Variants in PDGFRL observed in about 807,000 individuals in gnomAD.
PDGFRL encodes the protein platelet-derived growth factor receptor-like protein.
PDGFRL carries 46 observed loss-of-function variants against 37.2 expected under a neutral mutation model. The ratio of observed to expected loss-of-function variants is 1.24; its 90% CI spans 0.98 to 1.58. The LOEUF is 1.58. Ranked by LOEUF, PDGFRL falls within the 40% of genes most tolerant of loss-of-function variation. The pLI is 0.00. For synonymous variants in PDGFRL, 251 were observed against 184.3 expected (o/e 1.36, Z -2.93); for missense variants, 692 against 467.6 (o/e 1.48, Z -4.43).
At chr8:17,634,016 G>T in intron 4 of PDGFRL, 58 bp from the exon 5 acceptor site, 1 of 1,552,626 alleles carries the variant, frequency 6.4e-7, no homozygotes, top group South Asian at 1.1e-5. Context: ...GCATCTGTAG[G>T]TTTGTTTTCA....
intron 5 of PDGFRL, among the ~76,000 whole-genome samples, chr8:17,638,084 A>G (rs536020762): frequency 6.6e-6 from 1 of 151,810 alleles, no homozygotes. Context: ...TTGTTCTGCT[A>G]TGTTTGGGTT....
At chr8:17,578,277 G>T (rs969231600) in intron 1 of PDGFRL, among the ~76,000 whole-genome samples, 2 of 152,116 alleles carry the variant, frequency 1.3e-5, no homozygotes, top group Non-Finnish European at 2.9e-5. Flanking sequence ...CTTCATGCTG[G>T]AGCCAGCTCG....
intron 1 of PDGFRL, among the ~76,000 whole-genome samples, chr8:17,587,342 G>C (rs533328926): frequency 2.0e-5 from 3 of 152,168 alleles, no homozygotes; most frequent in Non-Finnish European, 4.4e-5. Context: ...TAGCTTAGAA[G>C]GATCAGACAA....
chr8:17,613,596 G>A (rs988111204), intron 2 of PDGFRL, among the ~76,000 whole-genome samples: 2 of 152,138 alleles, frequency 1.3e-5, no homozygotes, highest in Admixed American at 6.5e-5. Context: ...ATCCAGAGAA[G>A]CCCAGGCGCA....
At chr8:17,634,290 G>C (rs527603323) in intron 5 of PDGFRL, 77 bp downstream of exon 5, 4 of 1,209,608 alleles carry the variant, frequency 3.3e-6, no homozygotes, top group Non-Finnish European at 4.7e-6. Flanking sequence ...TCACAGCTTC[G>C]TCCCCACCCA....
At chr8:17,594,802 A>G (rs933718726) in intron 2 of PDGFRL, among the ~76,000 whole-genome samples, 8 of 152,120 alleles carry the variant, frequency 5.3e-5, no homozygotes, top group Non-Finnish European at 1.2e-4. Context: ...CGGCCTCCCA[A>G]AGTGCTGGGA....
chr8:17,633,702 C>T (rs1804907128), intron 4 of PDGFRL, among the ~76,000 whole-genome samples: 1 of 152,172 alleles, frequency 6.6e-6, no homozygotes, highest in African/African-American at 2.4e-5. Flanking sequence ...CCTATCTGCT[C>T]CCTGCCACCC....
At position 17,623,913 on chromosome 8, in the gene PDGFRL, G is replaced by A. The variant is rs559011880; in HGVS notation, c.505+2711G>A. ...CGGGCTCTCTTTGAGTTTTGGAGGCGGAACCTTTTTGTTTTTTTTTTAACT... is the reference window on the plus strand; with the variant it reads ...CGGGCTCTCTTTGAGTTTTGGAGGCAGAACCTTTTTGTTTTTTTTTTAACT... On this transcript the variant is annotated intron_variant, in intron 3 of 5. Coordinates refer to ENST00000251630, the MANE Select transcript of PDGFRL (RefSeq NM_001372073.1). Among the ~76,000 whole-genome samples the A allele has an allele frequency of 1.6e-3, 242 of 150,718 alleles. 2 individuals carry two copies. Among genetic ancestry groups the A allele is most frequent in the Non-Finnish European group, 1.5e-3 (104 of 67,788 alleles).
chr8:17,631,145 C>A (rs1341854391), intron 4 of PDGFRL, among the ~76,000 whole-genome samples: 2 of 152,110 alleles, frequency 1.3e-5, no homozygotes, highest in Non-Finnish European at 2.9e-5. Flanking sequence ...GCTGCAACAC[C>A]CCCCACATTC....
chr8:17,612,228 T>C (rs979140839), intron 2 of PDGFRL, among the ~76,000 whole-genome samples: 1 of 152,212 alleles, frequency 6.6e-6, no homozygotes, highest in Non-Finnish European at 1.5e-5. Flanking sequence ...CCTCCAGGTA[T>C]TTAAATACAC....
intron 4 of PDGFRL, among the ~76,000 whole-genome samples, chr8:17,629,819 C>G (rs573258900): frequency 3.9e-5 from 6 of 152,288 alleles, no homozygotes; most frequent in Admixed American, 3.9e-4. Flanking sequence ...GTGACACAGG[C>G]TTGTACTTTC....
At chr8:17,610,983 G>T (rs1804399348) in intron 2 of PDGFRL, among the ~76,000 whole-genome samples, 1 of 152,216 alleles carries the variant, frequency 6.6e-6, no homozygotes, top group African/African-American at 2.4e-5. Flanking sequence ...TGCCTATCTG[G>T]AAAGTAATCA....
chr8:17,585,511 A>C (rs1563504136), intron 1 of PDGFRL, among the ~76,000 whole-genome samples: 4 of 152,098 alleles, frequency 2.6e-5, no homozygotes, highest in African/African-American at 9.7e-5. Flanking sequence ...TTCTTGGAAA[A>C]GTGTGTGTGT....
At chr8:17,640,105 G>T (rs1467770010) in intron 5 of PDGFRL, among the ~76,000 whole-genome samples, 1 of 152,178 alleles carries the variant, frequency 6.6e-6, no homozygotes, top group Non-Finnish European at 1.5e-5. Context: ...ATTTCTCTAA[G>T]TGTGTTCTTC....
intron 2 of PDGFRL, among the ~76,000 whole-genome samples, chr8:17,590,555 T>C (rs114319745): frequency 0.014 from 2,089 of 151,814 alleles, 38 homozygotes; most frequent in African/African-American, 0.048. Context: ...CTACAAGAAA[T>C]ATAAATTAGC....
chr8:17,606,840 A>G (rs1387040333), intron 2 of PDGFRL, among the ~76,000 whole-genome samples: 3 of 150,236 alleles, frequency 2.0e-5, no homozygotes, highest in Admixed American at 2.0e-4. Context: ...ACCATACTGT[A>G]CCCAAAGGAG....
At chr8:17,601,336 C>A (rs1337977065) in intron 2 of PDGFRL, among the ~76,000 whole-genome samples, 2 of 152,124 alleles carry the variant, frequency 1.3e-5, no homozygotes, top group African/African-American at 4.8e-5. Flanking sequence ...AGGCACTGAG[C>A]CTGCAGGGGA....
chr8:17,638,611 C>G (rs933003392), intron 5 of PDGFRL, among the ~76,000 whole-genome samples: 3 of 151,126 alleles, frequency 2.0e-5, no homozygotes, highest in South Asian at 2.1e-4. Flanking sequence ...GATGTTCTGT[C>G]TTGATTACCT....
chr8:17,628,652 T>C lies in PDGFRL; in HGVS notation c.671T>C (p.Val224Ala), dbSNP rs1804787472. 6.2e-7 allele frequency: 1 copy of C among 1,614,148 alleles called. No homozygotes were observed. Among genetic ancestry groups the C allele is most frequent in the Non-Finnish European group, 8.5e-7 (1 of 1,180,002 alleles). Residue 224 changes from valine to alanine, a missense_variant, in exon 4 of 6, where the codon GTT becomes GCT. Val to Ala is a moderately conservative substitution (Grantham distance 64). Transcript: ENST00000251630. ...ATCCCAGCCAATGGAACGGACATTG[T>C]TTATGACATGAAGCGGGGCTTTGTG... Reference protein sequence around the residue: ...KEIPANGTDIVYDMKRGFVYL... With the variant: ...KEIPANGTDIAYDMKRGFVYL...
Sources: allele counts gnomAD v4.1 joint callset (sites outside exome capture counted in the v4.1 genomes callset), GRCh38; gene constraint gnomAD v4.1.1; transcripts MANE v1.5; gene names NCBI Gene and HGNC (gene_info 2026-07-23, HGNC 2026-07-21).